Variants in CACNA1D observed in about 807,000 individuals in gnomAD.
CACNA1D encodes calcium voltage-gated channel subunit alpha1 D.
A neutral mutation model predicts 257.1 loss-of-function variants in CACNA1D; 55 were observed. The observed-to-expected ratio is 0.21, with a 90% CI of 0.17 to 0.27. The LOEUF (loss-of-function observed/expected upper bound fraction) is 0.27. CACNA1D is among the 10% of genes least tolerant of loss of function. The pLI, the probability that CACNA1D is intolerant of heterozygous loss-of-function variation, is 1.00. For missense variants in CACNA1D, 1,876 were observed against 2,784.0 expected, an observed-to-expected ratio of 0.67 and a Z score of 7.34; for synonymous variants, 980 against 1,014.9, an observed-to-expected ratio of 0.97 and a Z score of 0.65.
intron 3 of CACNA1D, among the ~76,000 whole-genome samples, chr3:53,551,011 A>C (rs994796444): frequency 6.6e-6 from 1 of 152,200 alleles, no homozygotes; most frequent in Non-Finnish European, 1.5e-5. Context: ...CTGTTTGCCA[A>C]ATTTTCTTTA....
intron 3 of CACNA1D, among the ~76,000 whole-genome samples, chr3:53,640,511 C>G: frequency 6.6e-6 from 1 of 152,140 alleles, no homozygotes; most frequent in Non-Finnish European, 1.5e-5. Context: ...GTGAAGTACC[C>G]AGCTCTCTGC....
intron 47 of CACNA1D, among the ~76,000 whole-genome samples, chr3:53,810,786 A>AC (rs1559733107): frequency 8.1e-6 from 1 of 123,838 alleles, no homozygotes; most frequent in African/African-American, 3.7e-5. Flanking sequence ...AAAAAAAAAA[A>AC]CAAAAACTGG....
chr3:53,714,629 T>C (rs1158294029), intron 9 of CACNA1D, among the ~76,000 whole-genome samples: 2 of 152,206 alleles, frequency 1.3e-5, no homozygotes, highest in Admixed American at 6.5e-5. Flanking sequence ...TCGTTTGGCT[T>C]TTTGGAACTT....
intron 2 of CACNA1D, among the ~76,000 whole-genome samples, chr3:53,500,037 A>C (rs931103002): frequency 6.6e-6 from 1 of 152,106 alleles, no homozygotes; most frequent in Non-Finnish European, 1.5e-5. Context: ...AATGTTATTC[A>C]TTGCCTTTTT....
At position 53,694,594 on chromosome 3, in the gene CACNA1D, A is replaced by G. The variant is rs1288447774; in HGVS notation, c.1221-8047A>G. Reference sequence around the variant, plus strand: ...GAGCCTCCGTGTTGGCCTTTGTGAAATGGATGTGAAAATCCTCCTCCTGCC... The same window carrying G: ...GAGCCTCCGTGTTGGCCTTTGTGAAGTGGATGTGAAAATCCTCCTCCTGCC... On this transcript the variant is annotated intron_variant, in intron 8 of 47. Coordinates refer to ENST00000350061, the MANE Select transcript of CACNA1D (RefSeq NM_001128840.3). Among the ~76,000 whole-genome samples the G allele has an allele frequency of 5.3e-5, 8 of 152,174 alleles. No homozygotes were observed. The East Asian group carries it at 1.5e-3, about 29-fold the overall frequency.
At position 53,666,525 on chromosome 3, in the gene CACNA1D, T is replaced by G. The variant is rs1298122916; in HGVS notation, c.1106T>G (p.Val369Gly). The G allele has an allele frequency of 6.2e-7, 1 of 1,613,272 alleles. No homozygotes were observed. The highest frequency in any genetic ancestry group is 1.1e-5 in the South Asian group (1 of 91,064). ...QCITMEGWTD[V>G]LYWMNDAMGF... Reference sequence around the variant, plus strand: ...ATCACCATGGAGGGCTGGACAGATGTGCTCTACTGGGTAAGTACCCTGGGG... The same window carrying G: ...ATCACCATGGAGGGCTGGACAGATGGGCTCTACTGGGTAAGTACCCTGGGG... Residue 369 changes from valine to glycine, a missense_variant, in exon 7 of 48, where the codon GTG becomes GGG. Around this residue, in one of 10 missense-constraint regions of CACNA1D, gnomAD observed 188 missense variants for 390.4 expected, o/e 0.48. Transcript: ENST00000350061.
intron 4 of CACNA1D, among the ~76,000 whole-genome samples, chr3:53,652,660 C>T (rs2094109483): frequency 1.3e-5 from 2 of 152,226 alleles, no homozygotes; most frequent in Admixed American, 6.5e-5. Flanking sequence ...AGAGACCCCA[C>T]AGGGCCACTG....
chr3:53,774,702 TG>T lies in CACNA1D; in HGVS notation c.4202+25del, dbSNP rs1379642030. ...AGGTGACTGCAACTGGCTTGGGCGG[TG>T]CTCCTGGGCAGGGGGGTCCGCTAGG... On this transcript the variant is annotated intron_variant, in intron 34 of 47. Coordinates refer to ENST00000350061, the MANE Select transcript of CACNA1D (RefSeq NM_001128840.3). This position sits in a 1 kb window ranked among gnomAD's most constrained non-coding sequence, Gnocchi z 4.3. 2.1e-6 allele frequency: 3 copies of T among 1,460,200 alleles called. No individual in the cohort carries two copies. The highest frequency in any genetic ancestry group is 2.8e-5 in the African/African-American group (2 of 71,840). The allele number at this position is 1,460,200 out of a possible 1,614,324, so 90.5% of individuals were successfully genotyped here.
chr3:53,731,910 T>G, intron 17 of CACNA1D, 106 bp from the exon 18 acceptor site: 1 of 780,822 alleles, frequency 1.3e-6, no homozygotes, highest in Non-Finnish European at 2.3e-6. Flanking sequence ...AGATGCAGCT[T>G]TGGGGAGGAA....
chr3:53,740,320 C>T lies in CACNA1D; in HGVS notation c.2792C>T (p.Thr931Ile). 1 of 1,610,876 alleles carries T rather than the reference C, an allele frequency of 6.2e-7. No individual in the cohort carries two copies. The highest frequency in any genetic ancestry group is 8.5e-7 in the Non-Finnish European group (1 of 1,177,006). ...GACTATGCCTTCACAGCCATCTTTA[C>T]TGTTGAGATCCTGTTGAAGGTAATG... ...YFDYAFTAIF[T>I]VEILLKMTTF... Residue 931 changes from threonine (T) to isoleucine (I), a missense_variant, in exon 21 of 48, where the codon ACT (threonine) becomes ATT (isoleucine). Around this residue, in one of 10 missense-constraint regions of CACNA1D, gnomAD observed 271 missense variants for 425.5 expected, o/e 0.64. Coordinates refer to ENST00000350061, the MANE Select transcript of CACNA1D (RefSeq NM_001128840.3).
intron 28 of CACNA1D, among the ~76,000 whole-genome samples, chr3:53,753,348 A>T (rs2095241637): frequency 6.6e-6 from 1 of 152,224 alleles, no homozygotes. Context: ...GGAAATGGAT[A>T]TGTTTTCCCC....
At chr3:53,681,768 T>G (rs183997260) in intron 8 of CACNA1D, among the ~76,000 whole-genome samples, 10 of 152,338 alleles carry the variant, frequency 6.6e-5, no homozygotes, top group Admixed American at 6.5e-4. Flanking sequence ...GTGAGAGGGT[T>G]TAACAGGCAC....
chr3:53,701,881 C>T (rs1467561173), intron 8 of CACNA1D, among the ~76,000 whole-genome samples: 1 of 152,234 alleles, frequency 6.6e-6, no homozygotes, highest in Non-Finnish European at 1.5e-5. Context: ...TTTTCCAGGG[C>T]AGGTGTTCCT....
At chr3:53,677,810 C>A (rs184974745) in intron 8 of CACNA1D, among the ~76,000 whole-genome samples, 4,124 of 152,314 alleles carry the variant, frequency 0.027, 70 homozygotes, top group Non-Finnish European at 0.041. Context: ...TAGAATCAGA[C>A]AACCAAGTCT....
chr3:53,628,444 A>G (rs1474770594), intron 3 of CACNA1D, among the ~76,000 whole-genome samples: 1 of 152,202 alleles, frequency 6.6e-6, no homozygotes, highest in East Asian at 1.9e-4. Context: ...CCCTAACCCA[A>G]TTCTAAAGGA....
chr3:53,761,325 C>G (rs2095300484), intron 29 of CACNA1D, among the ~76,000 whole-genome samples: 1 of 152,194 alleles, frequency 6.6e-6, no homozygotes, highest in Non-Finnish European at 1.5e-5. Flanking sequence ...GCCTTGACTT[C>G]CCCACACTAA....
chr3:53,513,004 CA>C (rs1345913378), intron 3 of CACNA1D, among the ~76,000 whole-genome samples: 1 of 152,184 alleles, frequency 6.6e-6, no homozygotes, highest in Non-Finnish European at 1.5e-5. Flanking sequence ...GGGCACAGGC[CA>C]GCGGATGTAG....
intron 46 of CACNA1D, 37 bp downstream of exon 46, chr3:53,808,807 G>T (rs780999569): frequency 1.9e-6 from 3 of 1,600,520 alleles, no homozygotes; most frequent in Admixed American, 3.3e-5. Flanking sequence ...CACACCTAGG[G>T]GCACCCCACA....
At chr3:53,535,489 A>G (rs1374587355) in intron 3 of CACNA1D, among the ~76,000 whole-genome samples, 2 of 152,146 alleles carry the variant, frequency 1.3e-5, no homozygotes, top group African/African-American at 2.4e-5. Context: ...TGGGGGGTGA[A>G]TATTGACTGG....
Sources: allele counts gnomAD v4.1 joint callset (sites outside exome capture counted in the v4.1 genomes callset), GRCh38; gene constraint gnomAD v4.1.1; regional missense constraint gnomAD v4.1.1; non-coding constraint Gnocchi (gnomAD v3.1); transcripts MANE v1.5; gene names NCBI Gene and HGNC (gene_info 2026-07-23, HGNC 2026-07-21).